Variants in TNN observed in about 807,000 individuals in gnomAD.
TNN encodes the protein tenascin N.
A neutral mutation model predicts 134.4 loss-of-function variants in TNN; 122 were observed. That is an observed-to-expected ratio of 0.91 (90% CI 0.78 to 1.06). The LOEUF is 1.06. Among genes scored for constraint, TNN ranks in the 50% least tolerant of loss-of-function variants. The probability of loss-of-function intolerance (pLI) is 0.00; values close to 1 mark genes in which losing one functional copy is unlikely to be tolerated. For missense variants in TNN, 1,739 were observed against 1,699.4 expected (o/e 1.02, Z -0.41); for synonymous variants, 710 against 670.3 (o/e 1.06, Z -0.91).
rs150010255 is a variant in TNN at position 175,097,449 on chromosome 1, C to G, written c.1621C>G (p.Arg541Gly). ...IDSPANLVTD[R>G]VTENTATISW... is the part of the protein sequence containing the mutation. ...CAGCCCAGCAAACCTGGTGACTGAC[C>G]GGGTGACTGAGAATACCGCCACCAT... The change falls in exon 8 of 19, where the codon CGG (arginine) becomes GGG (glycine). Residue 541 changes from arginine to glycine, a missense_variant. Coordinates refer to ENST00000239462, the MANE Select transcript of TNN (RefSeq NM_022093.2). 86 of 1,614,064 alleles carry G rather than the reference C, an allele frequency of 5.3e-5. No homozygotes were observed. Among genetic ancestry groups the G allele is most frequent in the Middle Eastern group, 3.3e-4 (2 of 6,084 alleles).
Position 175,083,766 on chromosome 1 carries a change from C to A in TNN, c.1065C>A (p.Gly355=). The A allele has an allele frequency of 6.2e-7, 1 of 1,614,072 alleles. No homozygotes were observed. Among genetic ancestry groups the A allele is most frequent in the South Asian group, 1.1e-5 (1 of 91,072 alleles). The change falls in exon 5 of 19, where the codon GGC becomes GGA. Residue 355 remains glycine, a synonymous_variant. Coordinates refer to ENST00000239462, the MANE Select transcript of TNN (RefSeq NM_022093.2). ...LLATTDLAVL[G]TAWVTDETEN... Reference sequence around the variant, plus strand: ...CTGCCCTAGACCTTGCTGTGCTTGGCACTGCCTGGGTGACAGATGAGACTG... The same window carrying A: ...CTGCCCTAGACCTTGCTGTGCTTGGAACTGCCTGGGTGACAGATGAGACTG...
At chr1:175,145,301 C>T (rs2101857412) in intron 18 of TNN, among the ~76,000 whole-genome samples, 1 of 151,950 alleles carries the variant, frequency 6.6e-6, no homozygotes, top group Non-Finnish European at 1.5e-5. Context: ...GCCTGTAATC[C>T]CAGCACTCTG....
At position 175,077,396 on chromosome 1, in the gene TNN, G is replaced by T. The variant is rs1466838617; in HGVS notation, c.-23G>T. ...TTTCTGAATACAGGCATCCTGGAGGGTCTGCTCCCTGTCTTTCCAAGGATG... is the reference window on the plus strand; with the variant it reads ...TTTCTGAATACAGGCATCCTGGAGGTTCTGCTCCCTGTCTTTCCAAGGATG... On this transcript the variant is annotated 5_prime_UTR_variant, in exon 2 of 19. Coordinates refer to ENST00000239462, the MANE Select transcript of TNN (RefSeq NM_022093.2). 16 of 1,599,820 alleles carry T rather than the reference G, an allele frequency of 1.0e-5. No homozygotes were observed. Among genetic ancestry groups the T allele is most frequent in the Non-Finnish European group, 1.4e-5 (16 of 1,171,710 alleles).
intron 10 of TNN, among the ~76,000 whole-genome samples, 188 bp downstream of exon 10, chr1:175,117,393 C>T (rs1237499455): frequency 6.6e-6 from 1 of 152,154 alleles, no homozygotes; most frequent in East Asian, 1.9e-4. Flanking sequence ...CAAGTCAGGG[C>T]CACAAGGCAG....
intron 1 of TNN, among the ~76,000 whole-genome samples, chr1:175,072,067 G>GTCTCTT (rs1255835299): frequency 4.6e-5 from 7 of 152,168 alleles, no homozygotes; most frequent in Non-Finnish European, 1.0e-4. Flanking sequence ...AAAGCCACAG[G>GTCTCTT]GGTAGATGCA....
chr1:175,130,010 C>G (rs1245836648), intron 15 of TNN, among the ~76,000 whole-genome samples: 1 of 152,254 alleles, frequency 6.6e-6, no homozygotes, highest in Non-Finnish European at 1.5e-5. Context: ...AACCACATGG[C>G]AGCTTCTTTG....
chr1:175,081,770 G>A (rs183055182), intron 4 of TNN, among the ~76,000 whole-genome samples: 19 of 152,340 alleles, frequency 1.2e-4, no homozygotes, highest in Middle Eastern at 3.4e-3. Context: ...GTAAGACAGC[G>A]TTAGAAAGGA....
intron 9 of TNN, among the ~76,000 whole-genome samples, chr1:175,111,385 G>T (rs1271815810): frequency 6.6e-6 from 1 of 151,324 alleles, no homozygotes; most frequent in African/African-American, 2.4e-5. Flanking sequence ...TACTGGGGAG[G>T]CTGAGGCAGG....
chr1:175,132,519 T>C (rs2101848048), intron 15 of TNN, among the ~76,000 whole-genome samples: 1 of 152,342 alleles, frequency 6.6e-6, no homozygotes, highest in East Asian at 1.9e-4. Flanking sequence ...AGAACAACAA[T>C]GTTAATGTGG....
At chr1:175,092,182 T>C (rs1363382465) in intron 6 of TNN, among the ~76,000 whole-genome samples, 2 of 152,238 alleles carry the variant, frequency 1.3e-5, no homozygotes, top group Admixed American at 1.3e-4. Context: ...TTTGGATGGC[T>C]CTTGTCATCT....
chr1:175,091,693 A>G (rs540233410), intron 6 of TNN, among the ~76,000 whole-genome samples: 2 of 152,010 alleles, frequency 1.3e-5, no homozygotes, highest in Admixed American at 1.3e-4. Context: ...GGTTCAAGCC[A>G]TTCTCGTGCC....
At chr1:175,085,304 C>A in intron 5 of TNN, 101 bp from the exon 6 acceptor site, 1 of 749,100 alleles carries the variant, frequency 1.3e-6, no homozygotes, top group Non-Finnish European at 2.4e-6. Context: ...GGAAGCATCA[C>A]CTCTCATCTT....
At position 175,126,981 on chromosome 1, in the gene TNN, C is replaced by T. The variant is rs759065372; in HGVS notation, c.2941C>T (p.Pro981Ser). The T allele has an allele frequency of 6.2e-7, 1 of 1,613,896 alleles. No individual in the cohort carries two copies. Among genetic ancestry groups the T allele is most frequent in the South Asian group, 1.1e-5 (1 of 90,970 alleles). The change falls in exon 13 of 19, where the codon CCA (proline) becomes TCA (serine). Residue 981 changes from proline to serine, a missense_variant. Physicochemically the swap from Pro to Ser is moderately conservative, Grantham distance 74. Coordinates refer to ENST00000239462, the MANE Select transcript of TNN (RefSeq NM_022093.2). ...ACTCGACCCTCCCAGAAACCTTCGT[C>T]CATCTGCTGTAACGCAGTCTGGTGG... ...TELDPPRNLR[P>S]SAVTQSGGIL...
intron 16 of TNN, among the ~76,000 whole-genome samples, chr1:175,136,184 G>T (rs147339076): frequency 6.6e-6 from 1 of 152,274 alleles, no homozygotes; most frequent in Non-Finnish European, 1.5e-5. Context: ...TGCAGGATCT[G>T]CCTGCAGCCT....
intron 2 of TNN, among the ~76,000 whole-genome samples, chr1:175,078,182 C>T (rs1270217091): frequency 6.6e-6 from 1 of 152,080 alleles, no homozygotes; most frequent in Non-Finnish European, 1.5e-5. Flanking sequence ...TGGAGCTAGA[C>T]AAGACAGGTT....
At chr1:175,087,917 G>T (rs370617142) in intron 6 of TNN, among the ~76,000 whole-genome samples, 38 of 152,246 alleles carry the variant, frequency 2.5e-4, no homozygotes, top group South Asian at 1.7e-3. Flanking sequence ...CTTTACTTAC[G>T]TTTACCTATT....
intron 10 of TNN, among the ~76,000 whole-genome samples, chr1:175,118,139 TTCTAGTATGAAATGGGAGG>T (rs1403804361): frequency 6.6e-6 from 1 of 152,230 alleles, no homozygotes. Flanking sequence ...TTTTAGAATC[TTCTAGTATGAAATGGGAGG>T]TCTTTACTGA....
Position 175,079,127 on chromosome 1 carries a change from C to T in TNN, c.410-206C>T, listed in dbSNP as rs552969141. On this transcript the variant is annotated intron_variant, in intron 2 of 18. Transcript: ENST00000239462. ...TTGCAGATGTCACAGATTAGAAAGC[C>T]TGGCCCAGGCTGGAAAGGGCCAACA... 3.9e-5 allele frequency among the ~76,000 whole-genome samples: 6 copies of T among 152,290 alleles called. No individual in the cohort carries two copies. The East Asian group carries it at 1.2e-3, about 30-fold the overall frequency.
chr1:175,112,962 A>G (rs1675073206), intron 9 of TNN, among the ~76,000 whole-genome samples: 1 of 152,106 alleles, frequency 6.6e-6, no homozygotes, highest in African/African-American at 2.4e-5. Context: ...TAATCCATTT[A>G]CATCCAAGGT....
Sources: gnomAD v4.1 joint callset for allele counts (sites outside exome capture counted in the v4.1 genomes callset) on GRCh38, gnomAD v4.1.1 for gene constraint, MANE v1.5 for transcripts, NCBI Gene and HGNC (gene_info 2026-07-23, HGNC 2026-07-21) for gene names.